Variants in RBM47 observed in about 807,000 individuals in gnomAD.
RBM47 encodes the protein RNA binding motif protein 47.
In RBM47, 21 loss-of-function variants were observed where a neutral mutation model predicts 47.1. The ratio of observed to expected loss-of-function variants is 0.45; its 90% CI spans 0.32 to 0.64. The LOEUF (loss-of-function observed/expected upper bound fraction) is 0.64. RBM47 is among the 30% of genes least tolerant of loss of function. RBM47 has a pLI of 0.05. For missense variants in RBM47, 708 were observed against 870.9 expected (o/e 0.81, Z 2.35); for synonymous variants, 375 against 361.7 (o/e 1.04, Z -0.42).
chr4:40,496,292 T>C (rs1722551950), intron 2 of RBM47, among the ~76,000 whole-genome samples: 1 of 151,804 alleles, frequency 6.6e-6, no homozygotes, highest in Non-Finnish European at 1.5e-5. Context: ...AACTGTCACT[T>C]GGTCTAAACT....
At chr4:40,457,623 CA>C (rs1025056252) in intron 3 of RBM47, among the ~76,000 whole-genome samples, 14 of 151,938 alleles carry the variant, frequency 9.2e-5, no homozygotes, top group South Asian at 4.1e-4. Flanking sequence ...TTAGTACAGA[CA>C]GGGTTTCACC....
At chr4:40,489,980 C>T (rs1721638368) in intron 2 of RBM47, among the ~76,000 whole-genome samples, 1 of 152,164 alleles carries the variant, frequency 6.6e-6, no homozygotes, top group Non-Finnish European at 1.5e-5. Context: ...GATAGCTTAA[C>T]AGATGAAAAT....
At chr4:40,539,696 T>G (rs1278922582) in intron 2 of RBM47, among the ~76,000 whole-genome samples, 1 of 133,864 alleles carries the variant, frequency 7.5e-6, no homozygotes, top group African/African-American at 2.9e-5. Flanking sequence ...ACCGAGATTG[T>G]GCCACTGCAC....
rs576952933 is a variant in RBM47 at position 40,437,967 on chromosome 4, C to A, written c.927G>T (p.Ser309=). 1 of 1,613,354 alleles carries A rather than the reference C, an allele frequency of 6.2e-7. No homozygotes were observed. The highest frequency in any genetic ancestry group is 8.5e-7 in the Non-Finnish European group (1 of 1,179,960). The change falls in exon 4 of 7, where the codon TCG becomes TCT. Residue 309 remains serine (S), a synonymous_variant. Coordinates refer to ENST00000295971, the MANE Select transcript of RBM47 (RefSeq NM_001098634.2). ...GCTTGGCCAGCGTGACCTCCAGGCA[C>A]GAGCCCTCCAGCTCAGTGCCGTTGA... ...NNLNGTELEG[S]CLEVTLAKPV...
At chr4:40,455,901 G>A (rs1480053573) in intron 3 of RBM47, among the ~76,000 whole-genome samples, 2 of 152,176 alleles carry the variant, frequency 1.3e-5, no homozygotes, top group Non-Finnish European at 2.9e-5. Flanking sequence ...GTTTAGAGTC[G>A]TTAATTATCT....
At chr4:40,612,107 G>T (rs1736314431) in intron 1 of RBM47, among the ~76,000 whole-genome samples, 1 of 152,182 alleles carries the variant, frequency 6.6e-6, no homozygotes, top group Non-Finnish European at 1.5e-5. Context: ...TTGGAGGGAA[G>T]AAAAGTAAAT....
At chr4:40,609,001 A>C (rs1267526597) in intron 1 of RBM47, among the ~76,000 whole-genome samples, 1 of 151,768 alleles carries the variant, frequency 6.6e-6, no homozygotes, top group African/African-American at 2.4e-5. Context: ...TTATTTATTT[A>C]TTTATTTATT....
At chr4:40,616,485 T>C (rs1736746996) in intron 1 of RBM47, among the ~76,000 whole-genome samples, 2 of 152,084 alleles carry the variant, frequency 1.3e-5, no homozygotes, top group African/African-American at 4.8e-5. Context: ...TGGGAGGTTG[T>C]AGTGTGGCGC....
intron 3 of RBM47, among the ~76,000 whole-genome samples, chr4:40,445,522 G>A (rs1714413319): frequency 6.6e-6 from 1 of 152,206 alleles, no homozygotes; most frequent in African/African-American, 2.4e-5. Context: ...CCTGCTATGT[G>A]CCAGATACTG....
Position 40,438,600 on chromosome 4 carries a change from G to A in RBM47, c.294C>T (p.Tyr98=), listed in dbSNP as rs1169387523. Residue 98 remains tyrosine, a synonymous_variant, in exon 4 of 7, where the codon TAC becomes TAT. Transcript: ENST00000295971. ...VPVFEAVGRI[Y]ELRLMMDFDG... is the part of the protein sequence containing the mutation. ...CAAAGTCCATCATGAGGCGCAGCTC[G>A]TAGATGCGGCCCACGGCCTCGAACA... The A allele has an allele frequency of 5.0e-6, 8 of 1,613,792 alleles. No individual in the cohort carries two copies. Among genetic ancestry groups the A allele is most frequent in the Admixed American group, 1.7e-5 (1 of 60,010 alleles).
chr4:40,558,687 G>C (rs1730326715), intron 1 of RBM47, among the ~76,000 whole-genome samples: 2 of 151,842 alleles, frequency 1.3e-5, no homozygotes. Flanking sequence ...AATTAGCCAG[G>C]TGTGGTGGTG....
At chr4:40,475,439 T>C (rs910265752) in intron 2 of RBM47, among the ~76,000 whole-genome samples, 8 of 152,188 alleles carry the variant, frequency 5.3e-5, no homozygotes, top group African/African-American at 1.9e-4. Flanking sequence ...TTTTCAAGCA[T>C]ATAAAGTGAA....
At chr4:40,616,683 A>C (rs1736763247) in intron 1 of RBM47, among the ~76,000 whole-genome samples, 1 of 152,086 alleles carries the variant, frequency 6.6e-6, no homozygotes, top group Non-Finnish European at 1.5e-5. Context: ...CACCCACATA[A>C]TATGCAGAAG....
At chr4:40,458,870 C>A (rs1484456823) in intron 3 of RBM47, among the ~76,000 whole-genome samples, 1 of 151,992 alleles carries the variant, frequency 6.6e-6, no homozygotes, top group East Asian at 1.9e-4. Flanking sequence ...AACTCTAATA[C>A]CCCATGGCTT....
At chr4:40,483,294 G>C (rs1281571952) in intron 2 of RBM47, among the ~76,000 whole-genome samples, 1 of 152,184 alleles carries the variant, frequency 6.6e-6, no homozygotes, top group Non-Finnish European at 1.5e-5. Context: ...GTTCAACAAT[G>C]GCTATTGATC....
intron 2 of RBM47, among the ~76,000 whole-genome samples, chr4:40,541,389 C>T (rs1728526465): frequency 6.6e-6 from 1 of 152,116 alleles, no homozygotes; most frequent in African/African-American, 2.4e-5. Flanking sequence ...ATTTCTGCAT[C>T]CGTCAGTTCA....
chr4:40,523,339 G>A (rs1230775161), intron 2 of RBM47, among the ~76,000 whole-genome samples: 1 of 151,990 alleles, frequency 6.6e-6, no homozygotes, highest in African/African-American at 2.4e-5. Context: ...CTCCTGGCTT[G>A]GGCTCAGGAG....
intron 1 of RBM47, among the ~76,000 whole-genome samples, chr4:40,593,708 G>A (rs1734482055): frequency 1.3e-5 from 2 of 152,010 alleles, no homozygotes; most frequent in South Asian, 2.1e-4. Context: ...GTGAAACCCC[G>A]TCTCTACTAA....
chr4:40,521,385 G>A (rs1726176940), intron 2 of RBM47, among the ~76,000 whole-genome samples: 2 of 152,056 alleles, frequency 1.3e-5, no homozygotes, highest in South Asian at 2.1e-4. Context: ...ATTTTTAGTA[G>A]AGATGGGGTT....
Sources: gnomAD v4.1 joint callset for allele counts (sites outside exome capture counted in the v4.1 genomes callset) on GRCh38, gnomAD v4.1.1 for gene constraint, MANE v1.5 for transcripts, NCBI Gene and HGNC (gene_info 2026-07-23, HGNC 2026-07-21) for gene names.